The following CR1 variants were observed in gnomAD, a reference collection of about 807,000 sequenced individuals.
CR1 encodes complement C3b/C4b receptor 1 (Knops blood group).
In CR1, 116 loss-of-function variants were observed where a neutral mutation model predicts 187.3. The observed-to-expected ratio is 0.62, with a 90% CI of 0.53 to 0.72. The LOEUF is 0.72. CR1 is among the 30% of genes least tolerant of loss of function. CR1 has a pLI of 0.00. For missense variants in CR1, 1,731 were observed against 2,110.7 expected (o/e 0.82, Z 3.52); for synonymous variants, 576 against 747.1 (o/e 0.77, Z 3.73).
chr1:207,566,600 G>C (rs1450095196), intron 24 of CR1, among the ~76,000 whole-genome samples: 2 of 150,178 alleles, frequency 1.3e-5, no homozygotes, highest in Non-Finnish European at 2.9e-5. Context: ...CAAAAATGGG[G>C]AGCAACATTA....
intron 36 of CR1, among the ~76,000 whole-genome samples, chr1:207,607,917 A>C (rs543783599): frequency 6.6e-6 from 1 of 152,310 alleles, no homozygotes; most frequent in Admixed American, 6.5e-5. Flanking sequence ...GCAAATTGGC[A>C]AAGTGTTATA....
At chr1:207,564,263 A>G in intron 23 of CR1, 29 bp downstream of exon 23, 1 of 1,581,892 alleles carries the variant, frequency 6.3e-7, no homozygotes, top group Non-Finnish European at 8.5e-7. Context: ...GACCTGCTGG[A>G]CATTGAAATT....
At chr1:207,574,079 G>T (rs532495933) in intron 27 of CR1, among the ~76,000 whole-genome samples, 1 of 152,308 alleles carries the variant, frequency 6.6e-6, no homozygotes, top group African/African-American at 2.4e-5. Context: ...GCTTCAGTGA[G>T]CCTTGATGGC....
At chr1:207,586,716 G>A (rs1661121394) in intron 33 of CR1, among the ~76,000 whole-genome samples, 2 of 152,058 alleles carry the variant, frequency 1.3e-5, no homozygotes, top group African/African-American at 4.8e-5. Flanking sequence ...TCAAATCCCT[G>A]CCTCCATCAT....
chr1:207,625,941 A>G (rs1229851812), intron 45 of CR1, among the ~76,000 whole-genome samples: 1 of 152,230 alleles, frequency 6.6e-6, no homozygotes, highest in Non-Finnish European at 1.5e-5. Flanking sequence ...TATAAAACCT[A>G]TGCCTATATT....
At chr1:207,617,507 A>ATATATATATATATATATATATGTGTG (rs1332301171) in intron 41 of CR1, among the ~76,000 whole-genome samples, 41 of 46,996 alleles carry the variant, frequency 8.7e-4, no homozygotes, top group East Asian at 3.7e-3. Context: ...ATATATATAT[A>ATATATATATATATATATATATGTGTG]TGTGTGTGTG....
chr1:207,574,672 G>A (rs933406676), intron 27 of CR1, among the ~76,000 whole-genome samples: 29 of 152,278 alleles, frequency 1.9e-4, no homozygotes, highest in African/African-American at 6.7e-4. Context: ...GAGACAGCAA[G>A]AAAAGGTAGG....
chr1:207,501,382 C>G (rs1659263615), intron 1 of CR1, among the ~76,000 whole-genome samples: 1 of 152,186 alleles, frequency 6.6e-6, no homozygotes, highest in Admixed American at 6.5e-5. Context: ...TTCAAATACT[C>G]ATCAATCATT....
intron 1 of CR1, among the ~76,000 whole-genome samples, chr1:207,501,260 G>A (rs537646074): frequency 1.1e-3 from 160 of 152,332 alleles, no homozygotes; most frequent in Non-Finnish European, 1.1e-3. Context: ...GATTACAGAA[G>A]GGCATGAGGG....
rs547004795 is a variant in CR1 at position 207,525,491 on chromosome 1, C to T, written c.887-1262C>T. Among the ~76,000 whole-genome samples the T allele has an allele frequency of 8.9e-4, 136 of 151,994 alleles. 2 individuals are homozygous for T. The highest frequency in any genetic ancestry group is 8.4e-4 in the Non-Finnish European group (57 of 68,020). On this transcript the variant is annotated intron_variant, in intron 5 of 46. Coordinates refer to ENST00000367049, the MANE Select transcript of CR1 (RefSeq NM_000651.6). Reference sequence around the variant, plus strand: ...CAGAATGCAGCTGATATTGCTGGAGCCAAAGTCATTGGCATCGTTACAATT... The same window carrying T: ...CAGAATGCAGCTGATATTGCTGGAGTCAAAGTCATTGGCATCGTTACAATT...
intron 40 of CR1, 118 bp downstream of exon 40, chr1:207,614,607 A>G (rs55747907): frequency 1.4e-6 from 1 of 707,368 alleles, no homozygotes; most frequent in East Asian, 3.5e-5. Context: ...ATGGATAAAA[A>G]TACTTCTTTG....
chr1:207,595,795 T>TG (rs1191169917), intron 35 of CR1, among the ~76,000 whole-genome samples: 3 of 151,328 alleles, frequency 2.0e-5, no homozygotes, highest in Non-Finnish European at 2.9e-5. Flanking sequence ...ACTAGTTAAA[T>TG]GGGGTCACTA....
Position 207,572,973 on chromosome 1 carries a change from G to A in CR1, c.4452-2622G>A, listed in dbSNP as rs550022150. On this transcript the variant is annotated intron_variant, in intron 27 of 46. Transcript: ENST00000367049. ...TTTAATAAGGACACCAGTCACACTG[G>A]ATTAGGGCCTACTTTCATGACCTCA... 8.5e-5 allele frequency among the ~76,000 whole-genome samples: 13 copies of A among 152,178 alleles called. No homozygotes were observed. The East Asian group carries it at 2.5e-3, about 29-fold the overall frequency.
At chr1:207,618,362 T>A in intron 42 of CR1, 115 bp downstream of exon 42, 1 of 925,194 alleles carries the variant, frequency 1.1e-6, no homozygotes, top group Non-Finnish European at 1.6e-6. Flanking sequence ...TTTTTTCTTC[T>A]CGGCAACTGC....
intron 4 of CR1, among the ~76,000 whole-genome samples, chr1:207,516,512 C>T (rs1659812803): frequency 6.6e-6 from 1 of 152,168 alleles, no homozygotes; most frequent in South Asian, 2.1e-4. Context: ...TTAGAATCAG[C>T]TTGTCAATTT....
intron 35 of CR1, among the ~76,000 whole-genome samples, chr1:207,595,822 T>C (rs1394001308): frequency 6.6e-6 from 1 of 151,552 alleles, no homozygotes; most frequent in East Asian, 1.9e-4. Context: ...TTTTATTTAA[T>C]ATGGAAATAA....
chr1:207,617,197 C>T (rs1662125365), intron 41 of CR1, among the ~76,000 whole-genome samples: 1 of 151,896 alleles, frequency 6.6e-6, no homozygotes, highest in South Asian at 2.1e-4. Flanking sequence ...AAAAAGTACA[C>T]ATTGATGATG....
intron 23 of CR1, among the ~76,000 whole-genome samples, chr1:207,565,551 A>G (rs1293082835): frequency 6.7e-6 from 1 of 150,254 alleles, no homozygotes; most frequent in Non-Finnish European, 1.5e-5. Context: ...TGGAGTAATC[A>G]GTGAAACTCC....
At chr1:207,499,404 A>T (rs1659195957) in intron 1 of CR1, among the ~76,000 whole-genome samples, 1 of 152,240 alleles carries the variant, frequency 6.6e-6, no homozygotes. Flanking sequence ...TTACTATCAT[A>T]GTTGGAGACT....
Sources: allele counts gnomAD v4.1 joint callset (sites outside exome capture counted in the v4.1 genomes callset), GRCh38; gene constraint gnomAD v4.1.1; transcripts MANE v1.5; gene names NCBI Gene and HGNC (gene_info 2026-07-23, HGNC 2026-07-21).